USP15: variants seen among roughly 807,000 people sequenced by gnomAD.
The protein encoded by USP15 is ubiquitin carboxyl-terminal hydrolase 15.
USP15 carries 18 observed loss-of-function variants against 127.1 expected under a neutral mutation model. The observed-to-expected ratio is 0.14, with a 90% CI of 0.10 to 0.21. The LOEUF (loss-of-function observed/expected upper bound fraction) is 0.21, where lower values mean the gene tolerates loss of function less well. USP15 is among the 10% of genes least tolerant of loss of function. USP15 has a pLI of 1.00. For missense variants in USP15, 805 were observed against 1,159.9 expected, an observed-to-expected ratio of 0.69 and a Z score of 4.44; for synonymous variants, 364 against 393.7, an observed-to-expected ratio of 0.92 and a Z score of 0.89.
intron 1 of USP15, among the ~76,000 whole-genome samples, chr12:62,265,000 CATCTTAG>C (rs1014083914): frequency 6.9e-4 from 105 of 152,250 alleles, no homozygotes; most frequent in African/African-American, 2.4e-3. Context: ...GCATGTTTCA[CATCTTAG>C]ATGCTTAAAA....
chr12:62,396,447 T>G (rs1177648377), intron 20 of USP15, 49 bp downstream of exon 20: 1 of 1,490,246 alleles, frequency 6.7e-7, no homozygotes, highest in South Asian at 1.1e-5. Context: ...TTTGAAGAAC[T>G]CCAGACTTTT....
intron 6 of USP15, among the ~76,000 whole-genome samples, chr12:62,347,695 A>G (rs1381776299): frequency 3.3e-5 from 5 of 152,092 alleles, no homozygotes; most frequent in African/African-American, 4.8e-5. Context: ...TGTTCTATAC[A>G]TTGTTTTATG....
At chr12:62,298,271 T>A (rs2064196175) in intron 2 of USP15, among the ~76,000 whole-genome samples, 1 of 152,126 alleles carries the variant, frequency 6.6e-6, no homozygotes, top group Admixed American at 6.5e-5. Flanking sequence ...ACACCTGTAA[T>A]CCCAGCACTG....
intron 6 of USP15, among the ~76,000 whole-genome samples, chr12:62,336,857 A>G (rs1350620125): frequency 6.6e-6 from 1 of 152,246 alleles, no homozygotes; most frequent in Non-Finnish European, 1.5e-5. Context: ...GAGTATTTTC[A>G]GATCATTAAT....
In USP15 at chr12:62,413,531, G is replaced by A. The variant is rs1445393098; in HGVS notation, c.*9156G>A. 1 of 152,168 alleles carries A rather than the reference G, an allele frequency of 6.6e-6. No individual in the cohort carries two copies. The highest frequency in any genetic ancestry group is 1.5e-5 in the Non-Finnish European group (1 of 68,034). The allele number at this position is 152,168 out of a possible 1,614,324, so 9.4% of individuals were successfully genotyped here. A position where few individuals can be genotyped will look rare whatever the true frequency, so the allele number is the denominator to read the frequency against. On this transcript the variant is annotated 3_prime_UTR_variant, in exon 22 of 22. Transcript: ENST00000280377. Reference sequence around the variant, plus strand: ...TGTAGTTTCTACTTTAGCAGTTGCTGCTTCACCTTATGCTTGTCTGTTGTG... The same window carrying A: ...TGTAGTTTCTACTTTAGCAGTTGCTACTTCACCTTATGCTTGTCTGTTGTG...
At chr12:62,294,122 T>C (rs149304819) in intron 1 of USP15, 57 bp from the exon 2 acceptor site, 27,310 of 1,565,610 alleles carry the variant, frequency 0.017, 352 homozygotes, top group South Asian at 0.034. Flanking sequence ...TAGATGGCTG[T>C]TCTACTGTTC....
At chr12:62,362,343 C>G (rs187876257) in intron 8 of USP15, among the ~76,000 whole-genome samples, 2 of 152,108 alleles carry the variant, frequency 1.3e-5, no homozygotes, top group African/African-American at 4.8e-5. Flanking sequence ...ATGTTTAGTT[C>G]AAATGATTGG....
At chr12:62,323,341 A>G (rs1360827932) in intron 5 of USP15, among the ~76,000 whole-genome samples, 3 of 152,126 alleles carry the variant, frequency 2.0e-5, no homozygotes, top group Non-Finnish European at 4.4e-5. Flanking sequence ...TGTTTTGTTT[A>G]AAAATTACTG....
intron 8 of USP15, among the ~76,000 whole-genome samples, chr12:62,367,601 T>C (rs1411547911): frequency 6.6e-6 from 1 of 152,170 alleles, no homozygotes; most frequent in African/African-American, 2.4e-5. Flanking sequence ...ATTTTCTAGG[T>C]GTTTATAGTA....
In USP15 at chr12:62,302,794, T is replaced by C; in HGVS notation, c.222T>C (p.Gly74=). 6.2e-7 allele frequency: 1 copy of C among 1,607,668 alleles called. No homozygotes were observed. Among genetic ancestry groups the C allele is most frequent in the Non-Finnish European group, 8.5e-7 (1 of 1,176,162 alleles). Residue 74 remains glycine, a synonymous_variant, in exon 3 of 22, where the codon GGT becomes GGC. Coordinates refer to ENST00000280377, the MANE Select transcript of USP15 (RefSeq NM_001252078.2). ...PIDNSGLLKD[G]DAQSLKEHLI... ...AGTTTATTTTTTCTTTTGCAGATGG[T>C]GATGCCCAGTCACTTAAGGAACACC... is the stretch of plus-strand genomic sequence containing the variant.
chr12:62,343,125 G>T (rs1048514984), intron 6 of USP15, among the ~76,000 whole-genome samples: 1 of 152,190 alleles, frequency 6.6e-6, no homozygotes, highest in African/African-American at 2.4e-5. Context: ...CAGTGAGGAG[G>T]AATGTAGAGA....
intron 5 of USP15, among the ~76,000 whole-genome samples, chr12:62,322,412 A>G (rs898454993): frequency 6.6e-5 from 10 of 152,126 alleles, no homozygotes; most frequent in Non-Finnish European, 1.0e-4. Flanking sequence ...CTGGGATTAC[A>G]GGTGTGCGCC....
chr12:62,299,433 GTCT>G (rs1399919998), intron 2 of USP15, among the ~76,000 whole-genome samples: 3 of 152,206 alleles, frequency 2.0e-5, no homozygotes, highest in East Asian at 1.9e-4. Flanking sequence ...TTTTATGTTT[GTCT>G]TCTTTTATTT....
rs1302352801 is a variant in USP15 at position 62,389,938 on chromosome 12, A to G, written c.1794A>G (p.Pro598=). The G allele has an allele frequency of 6.2e-7, 1 of 1,613,418 alleles. No individual in the cohort carries two copies. Among genetic ancestry groups the G allele is most frequent in the African/African-American group, 1.3e-5 (1 of 75,036 alleles). The change falls in exon 14 of 22, where the codon CCA becomes CCG. Residue 598 remains proline, a synonymous_variant. Coordinates refer to ENST00000280377, the MANE Select transcript of USP15 (RefSeq NM_001252078.2). ...LFGQPFLMAV[P]RNNTEDKLYN... ...GTCAGCCCTTTCTTATGGCTGTACC[A>G]CGAAACAATACTGAAGACAAACTTT...
At chr12:62,327,120 G>A (rs530777466) in intron 6 of USP15, among the ~76,000 whole-genome samples, 8 of 152,060 alleles carry the variant, frequency 5.3e-5, no homozygotes, top group African/African-American at 9.6e-5. Flanking sequence ...AACAGAATGC[G>A]ACTTTCTCCA....
At chr12:62,345,046 A>T (rs2065770770) in intron 6 of USP15, among the ~76,000 whole-genome samples, 1 of 152,136 alleles carries the variant, frequency 6.6e-6, no homozygotes, top group Non-Finnish European at 1.5e-5. Context: ...TGTCTTGGGG[A>T]TTAACATTTG....
chr12:62,343,295 G>T (rs749990182), intron 6 of USP15, among the ~76,000 whole-genome samples: 42 of 152,162 alleles, frequency 2.8e-4, no homozygotes, highest in Non-Finnish European at 5.3e-4. Flanking sequence ...GTCAACTCCA[G>T]ACCTGTGCTG....
rs2067926359 is a variant in USP15, at chr12:62,407,954, G to C, written c.*3579G>C. On this transcript the variant is annotated 3_prime_UTR_variant, in exon 22 of 22. Transcript: ENST00000280377. Reference sequence around the variant, plus strand: ...CTTTCTCATAATCTGTGTTATTTTAGTAGTCCTGTATTTATCCTTGCTTTC... The same window carrying C: ...CTTTCTCATAATCTGTGTTATTTTACTAGTCCTGTATTTATCCTTGCTTTC... The C allele has an allele frequency of 6.6e-6, 1 of 152,058 alleles. No homozygotes were observed. The highest frequency in any genetic ancestry group is 2.4e-5 in the African/African-American group (1 of 41,376). 9.4% of individuals were successfully genotyped at this position (152,058 alleles called of 1,614,324 possible).
At chr12:62,278,176 C>T (rs1030451855) in intron 1 of USP15, among the ~76,000 whole-genome samples, 5 of 152,152 alleles carry the variant, frequency 3.3e-5, no homozygotes, top group Non-Finnish European at 5.9e-5. Flanking sequence ...GTATCACTGT[C>T]TTCTGCCTCC....
Sources: gnomAD v4.1 joint callset for allele counts (sites outside exome capture counted in the v4.1 genomes callset) on GRCh38, gnomAD v4.1.1 for gene constraint, MANE v1.5 for transcripts, NCBI Gene and HGNC (gene_info 2026-07-23, HGNC 2026-07-21) for gene names.